Variants in ABL1 observed in about 807,000 individuals in gnomAD.
The protein encoded by ABL1 is tyrosine-protein kinase ABL1.
ABL1 carries 11 observed loss-of-function variants against 94.7 expected under a neutral mutation model. The observed-to-expected ratio is 0.12, with a 90% CI of 0.07 to 0.19. The LOEUF is 0.19. Among genes scored for constraint, ABL1 ranks in the 10% least tolerant of loss-of-function variants. ABL1 has a pLI of 1.00. For missense variants in ABL1, 1,082 were observed against 1,489.4 expected (o/e 0.73, Z 4.50); for synonymous variants, 656 against 622.4 (o/e 1.05, Z -0.80).
At chr9:130,830,344 A>G (rs1043399793), upstream of ABL1, among the ~76,000 whole-genome samples, 21 of 152,340 alleles carry the variant, frequency 1.4e-4, no homozygotes, top group Non-Finnish European at 2.2e-4. Context: ...AAGGACAGTC[A>G]TCTGTGCAGC....
intron 1 of ABL1, among the ~76,000 whole-genome samples, chr9:130,778,543 C>A (rs1248555602): frequency 6.6e-6 from 1 of 152,112 alleles, no homozygotes; most frequent in Non-Finnish European, 1.5e-5. Context: ...GTGTCTCACT[C>A]CCTTCCTCCA....
chr9:130,794,201 G>T (rs1829945083), intron 1 of ABL1, among the ~76,000 whole-genome samples: 2 of 152,200 alleles, frequency 1.3e-5, no homozygotes, highest in South Asian at 4.1e-4. Flanking sequence ...TGCCAAAAGG[G>T]TTGGGGACTG....
intron 1 of ABL1, among the ~76,000 whole-genome samples, chr9:130,773,591 T>C (rs1832278301): frequency 6.6e-6 from 1 of 150,780 alleles, no homozygotes; most frequent in Admixed American, 6.6e-5. Context: ...CCTGAGTAAC[T>C]GGGACTATAG....
intron 1 of ABL1, among the ~76,000 whole-genome samples, chr9:130,743,727 T>C (rs999491615): frequency 1.3e-5 from 2 of 152,114 alleles, no homozygotes; most frequent in Non-Finnish European, 2.9e-5. Flanking sequence ...AAGCCAATAG[T>C]TCTAATTGAT....
chr9:130,848,781 A>G (rs1384483580), intron 1 of ABL1, among the ~76,000 whole-genome samples: 1 of 151,974 alleles, frequency 6.6e-6, no homozygotes, highest in Non-Finnish European at 1.5e-5. Flanking sequence ...TACTAAAAAT[A>G]CAAAAAAAGT....
chr9:130,854,001 C>T, intron 1 of ABL1, 63 bp from the exon 2 acceptor site: 1 of 1,518,930 alleles, frequency 6.6e-7, no homozygotes, highest in Non-Finnish European at 8.8e-7. Context: ...GAGAATAAAA[C>T]TAATTTTTTC....
chr9:130,871,229 A>C (rs555122968), intron 4 of ABL1, among the ~76,000 whole-genome samples: 2 of 152,358 alleles, frequency 1.3e-5, no homozygotes, highest in Non-Finnish European at 1.5e-5. Context: ...TAGTCAGTTC[A>C]GTAGACAGTA....
At chr9:130,813,622 G>A (rs191366784) in intron 1 of ABL1, among the ~76,000 whole-genome samples, 1 of 150,246 alleles carries the variant, frequency 6.7e-6, no homozygotes, top group African/African-American at 2.4e-5. Context: ...ATTAAATGAG[G>A]AATTAATAAC....
At chr9:130,822,108 C>T (rs1018289293) in intron 1 of ABL1, among the ~76,000 whole-genome samples, 1 of 151,830 alleles carries the variant, frequency 6.6e-6, no homozygotes, top group African/African-American at 2.4e-5. Flanking sequence ...AAAGTGCTGG[C>T]ATTACAGGCG....
intron 1 of ABL1, among the ~76,000 whole-genome samples, chr9:130,723,840 C>G (rs536042945): frequency 6.6e-6 from 1 of 151,410 alleles, no homozygotes; most frequent in Non-Finnish European, 1.5e-5. Flanking sequence ...GAGATGGAGT[C>G]TCGCTCTGTC....
rs1830053995 is a variant in ABL1 at position 130,801,505 on chromosome 9, C to T, written c.137-52559C>T. Among the ~76,000 whole-genome samples the T allele has an allele frequency of 4.6e-5, 7 of 152,344 alleles. No individual in the cohort carries two copies. In the South Asian group the frequency reaches 8.3e-4, roughly 18 times the overall value. On this transcript the variant is annotated intron_variant, in intron 1 of 10. Coordinates refer to the ABL1 transcript ENST00000372348. Reference sequence around the variant, plus strand: ...CCTCCCAAAGTGCTGGGATGACAGGCGTGAGCCACCAAGCCCAGCTGACAA... The same window carrying T: ...CCTCCCAAAGTGCTGGGATGACAGGTGTGAGCCACCAAGCCCAGCTGACAA...
chr9:130,754,457 G>A (rs1172298550), intron 1 of ABL1, among the ~76,000 whole-genome samples: 10 of 135,830 alleles, frequency 7.4e-5, no homozygotes, highest in African/African-American at 2.6e-4. Flanking sequence ...GCAGTGAGCC[G>A]AGATCGTGCC....
Position 130,872,284 on chromosome 9 carries a change from G to A in ABL1, c.907+71G>A. The A allele has an allele frequency of 7.0e-7, 1 of 1,431,972 alleles. No individual in the cohort carries two copies. Among genetic ancestry groups the A allele is most frequent in the Non-Finnish European group, 9.7e-7 (1 of 1,030,406 alleles). 88.7% of individuals were successfully genotyped at this position (1,431,972 alleles called of 1,614,324 possible). ...CCAGGGTGACACAGGCGCTGGGGAA[G>A]ACGCACGGGCGGCTCACTGCACAAA... On this transcript the variant is annotated intron_variant, in intron 5 of 10. Transcript: ENST00000318560. The surrounding 1 kb of genome is among the most constrained non-coding windows in gnomAD (Gnocchi z 5.0).
At chr9:130,808,609 C>T (rs1830163164) in intron 1 of ABL1, among the ~76,000 whole-genome samples, 1 of 152,114 alleles carries the variant, frequency 6.6e-6, no homozygotes. Flanking sequence ...ATAGATAGGG[C>T]CTTCAGACTT....
intron 1 of ABL1, among the ~76,000 whole-genome samples, chr9:130,849,939 T>C (rs1458620629): frequency 1.3e-5 from 2 of 152,240 alleles, no homozygotes; most frequent in African/African-American, 4.8e-5. Context: ...AAGAATGCTC[T>C]GCCTCACAGT....
At chr9:130,804,373 G>A (rs1830097644) in intron 1 of ABL1, among the ~76,000 whole-genome samples, 1 of 152,126 alleles carries the variant, frequency 6.6e-6, no homozygotes, top group African/African-American at 2.4e-5. Context: ...GATCACCTGA[G>A]GTCAGGAGTT....
intron 1 of ABL1, chr9:130,724,688 A>G (rs1355621686): frequency 2.9e-6 from 1 of 344,444 alleles, no homozygotes; most frequent in East Asian, 7.0e-5. Context: ...CTGTAATCCC[A>G]GCTACCTGGG....
At chr9:130,834,339 G>A (rs1830531961), upstream of ABL1, among the ~76,000 whole-genome samples, 1 of 152,134 alleles carries the variant, frequency 6.6e-6, no homozygotes. Context: ...TTCCTGTCAT[G>A]AGGGGAACTT....
At chr9:130,718,669 C>T (rs1831477467) in intron 1 of ABL1, among the ~76,000 whole-genome samples, 1 of 151,930 alleles carries the variant, frequency 6.6e-6, no homozygotes, top group Admixed American at 6.6e-5. Flanking sequence ...TTGCTTGAGC[C>T]CAGGAGTTCA....
Sources: gnomAD v4.1 joint callset for allele counts (sites outside exome capture counted in the v4.1 genomes callset) on GRCh38, gnomAD v4.1.1 for gene constraint, Gnocchi (gnomAD v3.1) non-coding constraint, MANE v1.5 for transcripts, NCBI Gene and HGNC (gene_info 2026-07-23, HGNC 2026-07-21) for gene names.